The following PTPRF variants were observed in gnomAD, a reference collection of about 807,000 sequenced individuals.
PTPRF encodes receptor-type tyrosine-protein phosphatase F.
PTPRF carries 59 observed loss-of-function variants against 201.8 expected under a neutral mutation model. The observed-to-expected ratio is 0.29, with a 90% CI of 0.24 to 0.36. PTPRF has a LOEUF of 0.36. Ranked by LOEUF, PTPRF falls within the 10% of genes least tolerant of loss-of-function variation. The pLI is 1.00. For missense variants in PTPRF, 2,132 were observed against 2,690.5 expected (o/e 0.79, Z 4.59); for synonymous variants, 1,088 against 1,089.7 (o/e 1.00, Z 0.03).
chr1:43,590,396 G>A (rs1369632336), intron 8 of PTPRF, among the ~76,000 whole-genome samples: 1 of 152,234 alleles, frequency 6.6e-6, no homozygotes, highest in Non-Finnish European at 1.5e-5. Context: ...CCAGCACAAT[G>A]TCTGGCATTG....
chr1:43,591,773 C>A, intron 9 of PTPRF, 39 bp from the exon 10 acceptor site: 13 of 1,609,420 alleles, frequency 8.1e-6, no homozygotes, highest in Non-Finnish European at 1.1e-5. Flanking sequence ...CCTGACCTCA[C>A]GCAGATGAGG....
In PTPRF at chr1:43,588,918, T is replaced by C. The variant is rs1389578742; in HGVS notation, c.867T>C (p.Asn289=). ...PVGRNVLELS[N]VVRSANYTCV... ...GCCGCAACGTCCTGGAGCTCAGCAA[T>C]GTCGTACGCTCTGCCAACTACACCT... is the stretch of plus-strand genomic sequence containing the variant. The change falls in exon 8 of 34, where the codon AAT becomes AAC. Residue 289 remains asparagine, a synonymous_variant. Transcript: ENST00000359947. This position sits in a 1 kb window ranked among gnomAD's most constrained non-coding sequence, Gnocchi z 5.3. 3 of 1,609,938 alleles carry C rather than the reference T, an allele frequency of 1.9e-6. No homozygotes were observed. The highest frequency in any genetic ancestry group is 2.2e-5 in the South Asian group (2 of 90,698).
intron 5 of PTPRF, among the ~76,000 whole-genome samples, chr1:43,559,047 C>G (rs775338106): frequency 6.6e-6 from 1 of 152,186 alleles, no homozygotes; most frequent in Non-Finnish European, 1.5e-5. Flanking sequence ...GGGCTTAGCT[C>G]CAAGGGTTCT....
At chr1:43,597,314 ATGTG>A (rs1277561300) in intron 11 of PTPRF, among the ~76,000 whole-genome samples, 1 of 151,244 alleles carries the variant, frequency 6.6e-6, no homozygotes, top group African/African-American at 2.4e-5. Context: ...TGTGGAGACT[ATGTG>A]TGAGACACTA....
upstream of PTPRF, among the ~76,000 whole-genome samples, chr1:43,527,531 C>G (rs1643170822): frequency 6.6e-6 from 1 of 152,220 alleles, no homozygotes; most frequent in Non-Finnish European, 1.5e-5. Flanking sequence ...CCTCGACAAA[C>G]ACTTTGCCAC....
intron 1 of PTPRF, among the ~76,000 whole-genome samples, chr1:43,532,830 T>G (rs1643730650): frequency 6.6e-6 from 1 of 151,984 alleles, no homozygotes; most frequent in Non-Finnish European, 1.5e-5. Context: ...CAGGCCACAC[T>G]TTCTCGTACC....
chr1:43,589,052 C>T, intron 8 of PTPRF, 52 bp downstream of exon 8: 1 of 1,474,614 alleles, frequency 6.8e-7, no homozygotes, highest in Non-Finnish European at 9.0e-7. Context: ...CTGGGAGGTC[C>T]TGGTGGTGGG....
chr1:43,603,219 G>C lies in PTPRF; in HGVS notation c.2341-197G>C, dbSNP rs1454542077. On this transcript the variant is annotated intron_variant, in intron 14 of 33. Transcript: ENST00000359947. The surrounding 1 kb of genome is among the most constrained non-coding windows in gnomAD (Gnocchi z 5.8). ...CCCAGGCGTGCGGCTCCTGGGATGG[G>C]CGGGGTCCTCCCAGGCCTGCATCCT... 2.0e-5 allele frequency among the ~76,000 whole-genome samples: 3 copies of C among 152,124 alleles called. No individual in the cohort carries two copies. The highest frequency in any genetic ancestry group is 2.1e-4 in the South Asian group (1 of 4,822).
rs558075081 is a variant in PTPRF at position 43,617,577 on chromosome 1, A to C, written c.4195+9A>C. On this transcript the variant is annotated intron_variant, in intron 24 of 33. Transcript: ENST00000359947. Reference sequence around the variant, plus strand: ...CCTTACCTCTATCGATGGTGAGCCAAGGGGGTGCCCCTCCCATCCCCTTGC... The same window carrying C: ...CCTTACCTCTATCGATGGTGAGCCACGGGGGTGCCCCTCCCATCCCCTTGC... 1 of 1,613,778 alleles carries C rather than the reference A, an allele frequency of 6.2e-7. No homozygotes were observed. The highest frequency in any genetic ancestry group is 1.3e-5 in the African/African-American group (1 of 75,012).
chr1:43,540,606 G>A (rs902700015), intron 2 of PTPRF, among the ~76,000 whole-genome samples: 6 of 152,144 alleles, frequency 3.9e-5, no homozygotes, highest in African/African-American at 9.7e-5. Flanking sequence ...ACCCTTTGCC[G>A]CCTCCAAGTC....
At chr1:43,544,755 A>G (rs1358109032) in intron 2 of PTPRF, among the ~76,000 whole-genome samples, 3 of 152,048 alleles carry the variant, frequency 2.0e-5, no homozygotes, top group African/African-American at 7.2e-5. Context: ...CCTCCTACTC[A>G]GGTTTAGAGA....
chr1:43,611,798 G>A (rs888450246), intron 22 of PTPRF, among the ~76,000 whole-genome samples: 1 of 152,186 alleles, frequency 6.6e-6, no homozygotes, highest in Non-Finnish European at 1.5e-5. Context: ...GCCCACTTGG[G>A]GAGAGGTAAG....
At chr1:43,551,103 G>A (rs566327702) in intron 3 of PTPRF, among the ~76,000 whole-genome samples, 1 of 152,288 alleles carries the variant, frequency 6.6e-6, no homozygotes, top group South Asian at 2.1e-4. Context: ...GCTCACTCTG[G>A]ACACTGAGTA....
chr1:43,561,901 G>A (rs947687841), intron 5 of PTPRF, among the ~76,000 whole-genome samples: 1 of 152,146 alleles, frequency 6.6e-6, no homozygotes, highest in Admixed American at 6.5e-5. Flanking sequence ...CACTTCCCCT[G>A]TGCCCAGCCT....
Position 43,598,728 on chromosome 1 carries a change from G to A in PTPRF, c.2128G>A (p.Gly710Arg), listed in dbSNP as rs757714695. The A allele has an allele frequency of 2.5e-6, 4 of 1,613,212 alleles. No homozygotes were observed. Among genetic ancestry groups the A allele is most frequent in the Non-Finnish European group, 2.5e-6 (3 of 1,179,316 alleles). ...TCTACCTGACCCCCCAGTGCCCAGC[G>A]GGCCTCCGCGGAAGGTGGAGGTGGA... is the stretch of plus-strand genomic sequence containing the variant. ...LVRTDEDVPS[G>R]PPRKVEVEPL... The change falls in exon 13 of 34, where the codon GGG (glycine) becomes AGG (arginine). Residue 710 changes from glycine (G) to arginine (R), a missense_variant. By Grantham distance (125) the Gly-to-Arg change is moderately radical (BLOSUM62 -2). Around this residue, in one of 6 missense-constraint regions of PTPRF, gnomAD observed 125 missense variants for 211.9 expected, o/e 0.59. Coordinates refer to ENST00000359947, the MANE Select transcript of PTPRF (RefSeq NM_002840.5).
At chr1:43,529,069 T>C (rs535999677), upstream of PTPRF, among the ~76,000 whole-genome samples, 1 of 152,228 alleles carries the variant, frequency 6.6e-6, no homozygotes, top group East Asian at 1.9e-4. Context: ...GGCTGAAAAG[T>C]ATACTTTTAA....
chr1:43,589,520 C>T (rs1034973795), intron 8 of PTPRF, among the ~76,000 whole-genome samples: 1 of 151,884 alleles, frequency 6.6e-6, no homozygotes, highest in African/African-American at 2.4e-5. Flanking sequence ...TGCCCTGATA[C>T]CTGGGGACAG....
chr1:43,564,754 G>C (rs1213333158), intron 5 of PTPRF, among the ~76,000 whole-genome samples: 1 of 152,160 alleles, frequency 6.6e-6, no homozygotes, highest in African/African-American at 2.4e-5. Flanking sequence ...GTGCGTGCCT[G>C]CGTTTGCACG....
intron 23 of PTPRF, among the ~76,000 whole-genome samples, chr1:43,614,931 ACCT>A (rs1657381925): frequency 6.6e-6 from 1 of 152,158 alleles, no homozygotes; most frequent in Non-Finnish European, 1.5e-5. Context: ...CTCCTCTTCC[ACCT>A]CCTCCAAGCA....
Sources: gnomAD v4.1 joint callset for allele counts (sites outside exome capture counted in the v4.1 genomes callset) on GRCh38, gnomAD v4.1.1 for gene constraint, gnomAD v4.1.1 regional missense constraint, Gnocchi (gnomAD v3.1) non-coding constraint, MANE v1.5 for transcripts, NCBI Gene and HGNC (gene_info 2026-07-23, HGNC 2026-07-21) for gene names.